The following MRPL43 variants were observed in gnomAD, a reference collection of about 807,000 sequenced individuals.
MRPL43 encodes large ribosomal subunit protein mL43.
In MRPL43, 9 loss-of-function variants were observed where a neutral mutation model predicts 12.7. The observed-to-expected ratio is 0.71, with a 90% CI of 0.43 to 1.24. MRPL43 has a LOEUF of 1.24. Ranked by LOEUF, MRPL43 falls within the 50% of genes most tolerant of loss-of-function variation. The probability of loss-of-function intolerance (pLI) is 0.00; values close to 1 mark genes in which losing one functional copy is unlikely to be tolerated. For missense variants in MRPL43, 211 were observed against 229.2 expected (o/e 0.92, Z 0.51); for synonymous variants, 116 against 96.4 (o/e 1.20, Z -1.19).
chr10:100,984,025 A>G (rs777592361), downstream of MRPL43: 2 of 1,613,608 alleles, frequency 1.2e-6, no homozygotes, highest in East Asian at 2.2e-5. Context: ...CAGAGCAACA[A>G]TGGAGTACCA....
chr10:100,983,340 C>G (rs760031264), downstream of MRPL43: 14 of 1,588,066 alleles, frequency 8.8e-6, no homozygotes, highest in African/African-American at 1.9e-4. Flanking sequence ...CTCTGTGCTC[C>G]GGGGTGATGA....
At chr10:100,982,975 C>G (rs1851183226), downstream of MRPL43, among the ~76,000 whole-genome samples, 1 of 152,122 alleles carries the variant, frequency 6.6e-6, no homozygotes, top group African/African-American at 2.4e-5. Context: ...TGTGGAGATG[C>G]CCAGCACATG....
downstream of MRPL43, chr10:100,981,060 T>C: frequency 6.3e-7 from 1 of 1,599,954 alleles, no homozygotes; most frequent in Non-Finnish European, 8.5e-7. Flanking sequence ...GCCTGATAGC[T>C]ACTGGGGGAG....
At chr10:100,984,958 T>C (rs1851363979), downstream of MRPL43, 5 of 1,355,482 alleles carry the variant, frequency 3.7e-6, no homozygotes, top group Non-Finnish European at 4.9e-6. Context: ...GTATCACACA[T>C]GTGCTTACAT....
chr10:100,980,651 G>A (rs773734788), downstream of MRPL43: 9 of 1,614,078 alleles, frequency 5.6e-6, no homozygotes. Context: ...AAGTGTTCAG[G>A]GAGTCCCAGT....
chr10:100,980,252 T>A, downstream of MRPL43: 1 of 1,614,252 alleles, frequency 6.2e-7, no homozygotes. Context: ...CGGCCCCTGC[T>A]GCTCAAGCGC....
At chr10:100,980,795 C>T (rs111542775), downstream of MRPL43, 11 of 1,548,688 alleles carry the variant, frequency 7.1e-6, no homozygotes, top group African/African-American at 1.4e-5. Flanking sequence ...GGGACGCTGC[C>T]GACCAACTGT....
At chr10:100,983,370 C>T (rs761068926), downstream of MRPL43, 12 of 1,606,982 alleles carry the variant, frequency 7.5e-6, no homozygotes, top group Admixed American at 1.7e-5. Flanking sequence ...GCCCTGTGAC[C>T]AGCCATCCAA....
At chr10:100,979,319 G>A (rs1342816205), downstream of MRPL43, 5 of 1,614,008 alleles carry the variant, frequency 3.1e-6, no homozygotes, top group Non-Finnish European at 4.2e-6. Flanking sequence ...ACAGCATAGG[G>A]GCTGGAGCAG....
chr10:100,982,098 C>T (rs1851113220), downstream of MRPL43, among the ~76,000 whole-genome samples: 1 of 149,926 alleles, frequency 6.7e-6, no homozygotes, highest in Non-Finnish European at 1.5e-5. Flanking sequence ...AGAATTCAAA[C>T]CTGACCCCAA....
chr10:100,983,350 A>G (rs570573396), downstream of MRPL43: 1 of 1,597,454 alleles, frequency 6.3e-7, no homozygotes, highest in Admixed American at 1.7e-5. Context: ...CGGGGTGATG[A>G]TGTCCTCCTG....
downstream of MRPL43, chr10:100,978,464 G>A: frequency 6.3e-7 from 1 of 1,594,430 alleles, no homozygotes. Flanking sequence ...CTGCCACCAT[G>A]TATATGTCAT....
chr10:100,980,492 C>A (rs1223438226), downstream of MRPL43: 31 of 1,384,420 alleles, frequency 2.2e-5, no homozygotes, highest in Non-Finnish European at 3.2e-5. Flanking sequence ...CCTCAGGACT[C>A]CTGAGCTGTT....
chr10:100,980,417 A>T, downstream of MRPL43: 1 of 1,486,794 alleles, frequency 6.7e-7, no homozygotes, highest in Non-Finnish European at 9.4e-7. Flanking sequence ...AATTCCTGCC[A>T]TGACTAGTCT....
At chr10:100,980,597 G>C, downstream of MRPL43, 2 of 1,614,156 alleles carry the variant, frequency 1.2e-6, no homozygotes, top group Non-Finnish European at 1.7e-6. Flanking sequence ...GGATCCACAA[G>C]GCCGTAGTCC....
At chr10:100,983,540 G>T, downstream of MRPL43, 2 of 1,614,100 alleles carry the variant, frequency 1.2e-6, no homozygotes, top group Non-Finnish European at 1.7e-6. Context: ...TCCGCACCCT[G>T]CTGGCCTCCT....
downstream of MRPL43, chr10:100,984,351 C>T: frequency 6.9e-7 from 1 of 1,443,902 alleles, no homozygotes; most frequent in South Asian, 1.5e-5. Context: ...ATCGGTGCTC[C>T]TCAGAGGTAG....
In MRPL43 at chr10:100,987,178, C is replaced by G; in HGVS notation, c.150G>C (p.Glu50Asp). 6.2e-7 allele frequency: 1 copy of G among 1,613,912 alleles called. No homozygotes were observed. The highest frequency in any genetic ancestry group is 8.5e-7 in the Non-Finnish European group (1 of 1,180,036). ...GATTCCGTCGGGCGAAGTCGATCAC[C>G]TCCCGCTCCACGAACTCCCTAAGCG... Reference protein sequence around the residue: ...SRGAREFVEREVIDFARRNPG... With the variant: ...SRGAREFVERDVIDFARRNPG... The change falls in exon 2 of 3, where the codon GAG (glutamate) becomes GAC (aspartate). Residue 50 changes from glutamate to aspartate, a missense_variant. Transcript: ENST00000318364.
chr10:100,986,965 A>T lies in MRPL43; in HGVS notation c.249T>A (p.Ala83=). Residue 83 remains alanine (A), a synonymous_variant, in exon 3 of 3, where the codon GCT becomes GCA. Coordinates refer to ENST00000318364, the MANE Select transcript of MRPL43 (RefSeq NM_032112.3). ...TGCAGTGGATGCTCTCCTCGCGCAC[A>T]GCCCCGTTAACTGGCAGAAGAGGGG... The part of the protein sequence containing the change: ...PRVVAEYLNG[A]VREESIHCKS... The T allele has an allele frequency of 6.2e-7, 1 of 1,606,504 alleles. No homozygotes were observed. The highest frequency in any genetic ancestry group is 2.2e-5 in the East Asian group (1 of 44,860).
Sources: allele counts gnomAD v4.1 joint callset (sites outside exome capture counted in the v4.1 genomes callset), GRCh38; gene constraint gnomAD v4.1.1; transcripts MANE v1.5; gene names NCBI Gene and HGNC (gene_info 2026-07-23, HGNC 2026-07-21).